PDE3B: variants seen among roughly 807,000 people sequenced by gnomAD.
PDE3B encodes cGMP-inhibited 3',5'-cyclic phosphodiesterase 3B.
In PDE3B, 66 loss-of-function variants were observed where a neutral mutation model predicts 116.8. The ratio of observed to expected loss-of-function variants is 0.56; its 90% CI spans 0.46 to 0.69. The LOEUF (loss-of-function observed/expected upper bound fraction) is 0.69. Ranked by LOEUF, PDE3B falls within the 30% of genes least tolerant of loss-of-function variation. The pLI is 0.00. For synonymous variants in PDE3B, 595 were observed against 533.6 expected (o/e 1.12, Z -1.59); for missense variants, 1,384 against 1,368.1 (o/e 1.01, Z -0.18).
At chr11:14,664,673 G>C (rs551069193) in intron 1 of PDE3B, among the ~76,000 whole-genome samples, 1 of 152,046 alleles carries the variant, frequency 6.6e-6, no homozygotes, top group Non-Finnish European at 1.5e-5. Flanking sequence ...CTAGAAGAAA[G>C]GGATAAATTC....
At chr11:14,764,170 T>A (rs1857434112) in intron 1 of PDE3B, among the ~76,000 whole-genome samples, 1 of 152,072 alleles carries the variant, frequency 6.6e-6, no homozygotes, top group Non-Finnish European at 1.5e-5. Context: ...AAGGACCAGC[T>A]AGTAAGAGCT....
chr11:14,817,721 A>C (rs2091331604), intron 5 of PDE3B, among the ~76,000 whole-genome samples: 2 of 152,162 alleles, frequency 1.3e-5, no homozygotes, highest in Admixed American at 1.3e-4. Context: ...GGGCAATGAA[A>C]TGAGACCCCA....
chr11:14,803,559 C>G (rs979661805), intron 4 of PDE3B, among the ~76,000 whole-genome samples: 2 of 152,152 alleles, frequency 1.3e-5, no homozygotes, highest in Non-Finnish European at 2.9e-5. Context: ...TTTAAGAAAC[C>G]TTCAAAGTAA....
chr11:14,761,601 C>G (rs1857361556), intron 1 of PDE3B, among the ~76,000 whole-genome samples: 1 of 152,070 alleles, frequency 6.6e-6, no homozygotes, highest in Admixed American at 6.6e-5. Flanking sequence ...GAGCGTAAAA[C>G]TTTTAGTACA....
intron 12 of PDE3B, among the ~76,000 whole-genome samples, chr11:14,845,178 C>T (rs951083914): frequency 2.0e-5 from 3 of 151,976 alleles, no homozygotes; most frequent in African/African-American, 7.3e-5. Context: ...GTTCACGGTT[C>T]ACGAAAATCT....
intron 4 of PDE3B, among the ~76,000 whole-genome samples, 160 bp downstream of exon 4, chr11:14,789,402 A>AT (rs1199865175): frequency 6.6e-6 from 1 of 152,062 alleles, no homozygotes; most frequent in Non-Finnish European, 1.5e-5. Context: ...AGAGAAACTG[A>AT]TTATTAAAGA....
the PDE3B span, chr11:14,892,079 G>A: frequency 6.2e-7 from 1 of 1,611,634 alleles, no homozygotes. Context: ...AGCCCCGGCG[G>A]CCCCGGGGGG....
At position 14,644,033 on chromosome 11, in the gene PDE3B, G is replaced by C. The variant is rs1373286585; in HGVS notation, c.-43G>C. On this transcript the variant is annotated 5_prime_UTR_variant, in exon 1 of 16. Transcript: ENST00000282096. ...GGAGCGCGAGCGGCCGCTACGGTACGAGCGGGGTGTGCTGAGTCCCGTGGC... is the reference window on the plus strand; with the variant it reads ...GGAGCGCGAGCGGCCGCTACGGTACCAGCGGGGTGTGCTGAGTCCCGTGGC... 7.1e-7 allele frequency: 1 copy of C among 1,412,326 alleles called. No homozygotes were observed. Among genetic ancestry groups the C allele is most frequent in the Non-Finnish European group, 9.1e-7 (1 of 1,093,450 alleles). The allele number at this position is 1,412,326 out of a possible 1,614,324, so 87.5% of individuals were successfully genotyped here. A position where few individuals can be genotyped will look rare whatever the true frequency, so the allele number is the denominator to read the frequency against.
the PDE3B span, chr11:14,891,871 G>C: frequency 1.5e-3 from 2,147 of 1,418,172 alleles, 15 homozygotes; most frequent in African/African-American, 0.028. Flanking sequence ...GGCACACGGA[G>C]AGGTCCCGAC....
intron 1 of PDE3B, among the ~76,000 whole-genome samples, chr11:14,661,132 C>T (rs1262042006): frequency 1.3e-5 from 2 of 152,148 alleles, no homozygotes; most frequent in African/African-American, 4.8e-5. Flanking sequence ...GGATCTAGAA[C>T]TAGAAATACC....
At chr11:14,836,639 C>A (rs1386404969) in intron 11 of PDE3B, among the ~76,000 whole-genome samples, 1 of 152,146 alleles carries the variant, frequency 6.6e-6, no homozygotes, top group Non-Finnish European at 1.5e-5. Flanking sequence ...TCACTGAAAA[C>A]CACACAAATT....
chr11:14,666,051 A>T (rs1198043290), intron 1 of PDE3B, among the ~76,000 whole-genome samples: 1 of 152,078 alleles, frequency 6.6e-6, no homozygotes, highest in East Asian at 1.9e-4. Context: ...GGCTACACTA[A>T]CCAAAACAGC....
chr11:14,867,467 C>G lies in PDE3B; in HGVS notation c.2887-39C>G, dbSNP rs370325315. Reference sequence around the variant, plus strand: ...CAGCAAAGCTCAGTGGTGGTTCTTTCACCAGTTAAAAATGTACTTTTCTTT... The same window carrying G: ...CAGCAAAGCTCAGTGGTGGTTCTTTGACCAGTTAAAAATGTACTTTTCTTT... On this transcript the variant is annotated intron_variant, in intron 14 of 15. Transcript: ENST00000282096. 1.4e-5 allele frequency: 22 copies of G among 1,583,078 alleles called. No homozygotes were observed. The Admixed American group carries it at 3.7e-4, about 26-fold the overall frequency.
chr11:14,824,338 A>G (rs1163932367), intron 7 of PDE3B, among the ~76,000 whole-genome samples: 1 of 152,232 alleles, frequency 6.6e-6, no homozygotes, highest in Non-Finnish European at 1.5e-5. Context: ...GGATAGGAAC[A>G]AAGATAATCA....
chr11:14,773,343 A>T (rs1857697516), intron 2 of PDE3B: 1 of 152,064 alleles, frequency 6.6e-6, no homozygotes, highest in South Asian at 2.1e-4. Context: ...AATATTTATC[A>T]CTAGATTCTA....
At chr11:14,866,664 C>T (rs937771682) in intron 14 of PDE3B, among the ~76,000 whole-genome samples, 4 of 152,172 alleles carry the variant, frequency 2.6e-5, no homozygotes, top group African/African-American at 7.2e-5. Flanking sequence ...CATTACAGAA[C>T]AGACACTCCT....
chr11:14,813,465 T>C (rs959997016), intron 5 of PDE3B, among the ~76,000 whole-genome samples: 1 of 152,190 alleles, frequency 6.6e-6, no homozygotes, highest in African/African-American at 2.4e-5. Context: ...CTGGCTCTTT[T>C]ATGTCTGCCT....
At chr11:14,660,123 C>T (rs1405187145) in intron 1 of PDE3B, among the ~76,000 whole-genome samples, 1 of 152,274 alleles carries the variant, frequency 6.6e-6, no homozygotes, top group Non-Finnish European at 1.5e-5. Context: ...CCAGACTTGG[C>T]TGTAACCCTA....
chr11:14,793,025 C>A (rs1322181340), intron 4 of PDE3B, among the ~76,000 whole-genome samples: 1 of 152,120 alleles, frequency 6.6e-6, no homozygotes, highest in African/African-American at 2.4e-5. Context: ...TAAAATGAAT[C>A]TTTGAAGACA....
Sources: gnomAD v4.1 joint callset for allele counts (sites outside exome capture counted in the v4.1 genomes callset) on GRCh38, gnomAD v4.1.1 for gene constraint, MANE v1.5 for transcripts, NCBI Gene and HGNC (gene_info 2026-07-23, HGNC 2026-07-21) for gene names.